The following CABLES1 variants were observed in gnomAD, a reference collection of about 807,000 sequenced individuals.
CABLES1 encodes CDK5 and ABL1 enzyme substrate 1.
CABLES1 carries 36 observed loss-of-function variants against 57.8 expected under a neutral mutation model. The ratio of observed to expected loss-of-function variants is 0.62; its 90% confidence interval spans 0.48 to 0.82. The LOEUF (loss-of-function observed/expected upper bound fraction) is 0.82, where lower values mean the gene tolerates loss of function less well. CABLES1 is among the 40% of genes least tolerant of loss of function. CABLES1 has a pLI of 0.00. For missense variants in CABLES1, 767 were observed against 836.6 expected (o/e 0.92, Z 1.03); for synonymous variants, 374 against 363.0 (o/e 1.03, Z -0.35).
chr18:23,145,741 G>A (rs1195968823), intron 1 of CABLES1, among the ~76,000 whole-genome samples: 4 of 152,148 alleles, frequency 2.6e-5, no homozygotes, highest in African/African-American at 9.7e-5. Flanking sequence ...CTCTAAGAAC[G>A]TATAATTAAT....
intron 1 of CABLES1, among the ~76,000 whole-genome samples, chr18:23,162,485 C>T (rs2047012262): frequency 6.6e-6 from 1 of 152,154 alleles, no homozygotes. Context: ...AAGCATACAC[C>T]ATGTGCAAGG....
intron 4 of CABLES1, among the ~76,000 whole-genome samples, chr18:23,221,073 C>T (rs937566128): frequency 5.3e-5 from 8 of 152,146 alleles, no homozygotes; most frequent in Non-Finnish European, 1.0e-4. Context: ...TTCAGGAAGC[C>T]ATTTAGGGAG....
intron 1 of CABLES1, among the ~76,000 whole-genome samples, chr18:23,170,673 ACCT>A (rs1305777735): frequency 9.2e-5 from 14 of 151,952 alleles, no homozygotes; most frequent in African/African-American, 3.1e-4. Context: ...TGAGCTTTTC[ACCT>A]CCTGATTCTT....
chr18:23,217,280 G>A (rs1259502132), intron 4 of CABLES1, among the ~76,000 whole-genome samples: 1 of 151,926 alleles, frequency 6.6e-6, no homozygotes, highest in African/African-American at 2.4e-5. Flanking sequence ...ATGAGATCTC[G>A]CCATGTTGCC....
At chr18:23,146,643 GAT>G (rs2046893005) in intron 1 of CABLES1, among the ~76,000 whole-genome samples, 1 of 152,194 alleles carries the variant, frequency 6.6e-6, no homozygotes. Flanking sequence ...CAAAACGATT[GAT>G]AGTATTATAA....
chr18:23,165,075 A>G (rs1313799297), intron 1 of CABLES1, among the ~76,000 whole-genome samples: 2 of 151,926 alleles, frequency 1.3e-5, no homozygotes, highest in Non-Finnish European at 2.9e-5. Context: ...GTCCGGCCTT[A>G]ACTATTCTTT....
At chr18:23,247,159 AAG>A (rs2047917058) in intron 7 of CABLES1, among the ~76,000 whole-genome samples, 1 of 152,210 alleles carries the variant, frequency 6.6e-6, no homozygotes, top group African/African-American at 2.4e-5. Context: ...CCCAGCACTA[AAG>A]AGAGGATGCC....
intron 1 of CABLES1, among the ~76,000 whole-genome samples, chr18:23,144,772 G>A (rs546491254): frequency 6.6e-6 from 1 of 152,164 alleles, no homozygotes; most frequent in Admixed American, 6.5e-5. Flanking sequence ...TATTGGAGAC[G>A]ACTGAGGAAT....
Position 23,257,523 on chromosome 18 carries a change from G to A in CABLES1, c.*156G>A. On this transcript the variant is annotated 3_prime_UTR_variant, in exon 10 of 10. Transcript: ENST00000256925. ...GAAGCAGTACTAGAAACTTTCCAAG[G>A]AGTCTTGGGTGTGTAGCCAAGAGGA... 1.2e-6 allele frequency: 1 copy of A among 809,184 alleles called. No homozygotes were observed. Among genetic ancestry groups the A allele is most frequent in the Non-Finnish European group, 1.8e-6 (1 of 545,624 alleles). The allele number at this position is 809,184 out of a possible 1,614,324, so 50.1% of individuals were successfully genotyped here. A position where few individuals can be genotyped will look rare whatever the true frequency, so the allele number is the denominator to read the frequency against.
At chr18:23,232,354 T>G (rs1018836265) in intron 4 of CABLES1, among the ~76,000 whole-genome samples, 3 of 152,244 alleles carry the variant, frequency 2.0e-5, no homozygotes, top group African/African-American at 4.8e-5. Context: ...CCCATGGAAC[T>G]GAGCTGCTGG....
chr18:23,191,906 TAAAAAAAAAAAAAAAAAAAAA>T (rs147984743), intron 2 of CABLES1, among the ~76,000 whole-genome samples: 1 of 82,636 alleles, frequency 1.2e-5, no homozygotes, highest in Non-Finnish European at 2.3e-5. Flanking sequence ...GTTGAATGCT[TAAAAAAAAAAAAAAAAAAAAA>T]AAAAAAAAAA....
intron 1 of CABLES1, 84 bp downstream of exon 1, chr18:23,136,691 C>A: frequency 2.2e-6 from 2 of 911,342 alleles, no homozygotes; most frequent in Non-Finnish European, 1.5e-6. Flanking sequence ...GGCTACGGGA[C>A]ACGGGTTGCT....
chr18:23,242,028 C>T (rs748940902), intron 7 of CABLES1, among the ~76,000 whole-genome samples: 45 of 152,170 alleles, frequency 3.0e-4, no homozygotes, highest in Non-Finnish European at 5.4e-4. Flanking sequence ...GTAATCCCTG[C>T]ACTTTGGAAG....
In CABLES1 at chr18:23,166,657, C is replaced by T. The variant is rs1391469549; in HGVS notation, c.846-22181C>T. ...AATGTTTTAGTGTAGGACACGCACA[C>T]ACAGGTGGGTTAGGTTCTGTCAGTT... On this transcript the variant is annotated intron_variant, in intron 1 of 9. Coordinates refer to ENST00000256925, the MANE Select transcript of CABLES1 (RefSeq NM_001100619.3). 2.0e-5 allele frequency among the ~76,000 whole-genome samples: 3 copies of T among 152,336 alleles called. No individual in the cohort carries two copies. The East Asian group carries it at 5.8e-4, about 29-fold the overall frequency.
Position 23,136,145 on chromosome 18 carries a change from C to G in CABLES1, c.383C>G (p.Pro128Arg). 1 of 1,206,150 alleles carries G rather than the reference C, an allele frequency of 8.3e-7. No homozygotes were observed. The allele number at this position is 1,206,150 out of a possible 1,614,324, so 74.7% of individuals were successfully genotyped here. The part of the protein sequence containing the change: ...GCIALAAPGT[P>R]AAGLAAGSGP... ...ATCGCGCTCGCCGCGCCGGGCACGC[C>G]GGCTGCGGGGTTAGCCGCTGGGTCC... is the stretch of plus-strand genomic sequence containing the variant. Residue 128 changes from proline (P) to arginine (R), a missense_variant, in exon 1 of 10, where the codon CCG (proline) becomes CGG (arginine). Pro to Arg is a moderately radical substitution (Grantham distance 103). Around this residue, in one of 4 missense-constraint regions of CABLES1, gnomAD observed 529 missense variants for 622.8 expected, o/e 0.85. Transcript: ENST00000256925.
rs1821718730 is a variant in CABLES1, at chr18:23,136,032, G to A, written c.270G>A (p.Glu90=). The change falls in exon 1 of 10, where the codon GAG becomes GAA. Residue 90 remains glutamate (E), a synonymous_variant. Transcript: ENST00000256925. ...ACGCGGAGTGGGGCGGTGGCGAGGAGGGCGGCGCGGCCAAGCCGGGCGCCG... is the reference window on the plus strand; with the variant it reads ...ACGCGGAGTGGGGCGGTGGCGAGGAAGGCGGCGCGGCCAAGCCGGGCGCCG... ...PQDAEWGGGE[E]GGAAKPGAGG... The A allele has an allele frequency of 1.1e-5, 12 of 1,136,692 alleles. No individual in the cohort carries two copies. Among genetic ancestry groups the A allele is most frequent in the Non-Finnish European group, 1.1e-5 (10 of 929,686 alleles). 70.4% of individuals were successfully genotyped at this position (1,136,692 alleles called of 1,614,324 possible). A position where few individuals can be genotyped will look rare whatever the true frequency, so the allele number is the denominator to read the frequency against.
intron 4 of CABLES1, among the ~76,000 whole-genome samples, chr18:23,215,085 T>A (rs748421265): frequency 5.9e-5 from 9 of 152,254 alleles, no homozygotes; most frequent in African/African-American, 9.6e-5. Flanking sequence ...TAAGGAGCGA[T>A]AATCATGGCA....
chr18:23,181,379 C>T (rs1349557758), intron 1 of CABLES1, among the ~76,000 whole-genome samples: 4 of 151,506 alleles, frequency 2.6e-5, no homozygotes, highest in African/African-American at 9.7e-5. Flanking sequence ...GCCTGTAGTC[C>T]CAGCTACTTG....
chr18:23,182,427 G>A (rs1187869723), intron 1 of CABLES1, among the ~76,000 whole-genome samples: 2 of 152,204 alleles, frequency 1.3e-5, no homozygotes. Flanking sequence ...TTAGGAGAAG[G>A]TTCTCACCCG....
Sources: allele counts gnomAD v4.1 joint callset (sites outside exome capture counted in the v4.1 genomes callset), GRCh38; gene constraint gnomAD v4.1.1; regional missense constraint gnomAD v4.1.1; transcripts MANE v1.5; gene names NCBI Gene and HGNC (gene_info 2026-07-23, HGNC 2026-07-21).